Variants in DIP2C observed in about 807,000 individuals in gnomAD.
DIP2C encodes the protein DIP2 acetate--CoA ligase C (putative), also known as disco-interacting protein 2 homolog C.
A neutral mutation model predicts 192.4 loss-of-function variants in DIP2C; 33 were observed. The ratio of observed to expected loss-of-function variants is 0.17; its 90% CI spans 0.13 to 0.23. The LOEUF (loss-of-function observed/expected upper bound fraction) is 0.23. Ranked by LOEUF, DIP2C falls within the 10% of genes least tolerant of loss-of-function variation. The pLI, the probability that DIP2C is intolerant of heterozygous loss-of-function variation, is 1.00. For missense variants in DIP2C, 1,537 were observed against 2,110.1 expected, an observed-to-expected ratio of 0.73 and a Z score of 5.32; for synonymous variants, 979 against 864.1, an observed-to-expected ratio of 1.13 and a Z score of -2.33.
chr10:668,436 A>G (rs1857247167), intron 1 of DIP2C: 1 of 152,166 alleles, frequency 6.6e-6, no homozygotes, highest in South Asian at 2.1e-4. Context: ...ACAACATACA[A>G]TACATGCAAC....
chr10:477,000 G>A (rs1051213077), intron 2 of DIP2C, among the ~76,000 whole-genome samples: 3 of 105,002 alleles, frequency 2.9e-5, no homozygotes, highest in Non-Finnish European at 3.9e-5. Context: ...CCCACAGAGG[G>A]CTGGAACATT....
intron 24 of DIP2C, among the ~76,000 whole-genome samples, chr10:353,260 CATTAA>C (rs1341578343): frequency 6.6e-6 from 1 of 151,530 alleles, no homozygotes; most frequent in East Asian, 2.0e-4. Flanking sequence ...TAACGTTTCA[CATTAA>C]ATCAAACAAC....
At chr10:502,345 A>C (rs1845294803) in intron 1 of DIP2C, among the ~76,000 whole-genome samples, 1 of 152,242 alleles carries the variant, frequency 6.6e-6, no homozygotes, top group Middle Eastern at 3.2e-3. Context: ...ATGAGTGTTC[A>C]AAGGAAAATA....
chr10:631,340 G>A (rs894272840), intron 1 of DIP2C: 3 of 152,236 alleles, frequency 2.0e-5, no homozygotes, highest in African/African-American at 4.8e-5. Context: ...GGATTCTGGT[G>A]TCTCGGGTGT....
At chr10:335,145 C>T (rs1432355173) in intron 29 of DIP2C, among the ~76,000 whole-genome samples, 1 of 152,202 alleles carries the variant, frequency 6.6e-6, no homozygotes, top group African/African-American at 2.4e-5. Flanking sequence ...CCATTATACT[C>T]ATATGTCTCA....
chr10:583,304 AAG>A (rs1448955505), intron 1 of DIP2C, among the ~76,000 whole-genome samples: 15 of 152,264 alleles, frequency 9.9e-5, no homozygotes, highest in South Asian at 8.3e-4. Context: ...TCTTAGCAGA[AAG>A]AGAATTATAG....
intron 1 of DIP2C, among the ~76,000 whole-genome samples, chr10:557,190 C>T (rs1233255151): frequency 6.6e-6 from 1 of 152,224 alleles, no homozygotes; most frequent in Admixed American, 6.5e-5. Flanking sequence ...GGCAGCCCCA[C>T]AGAGGGACCG....
At chr10:571,185 G>C (rs1053231681) in intron 1 of DIP2C, among the ~76,000 whole-genome samples, 1 of 152,084 alleles carries the variant, frequency 6.6e-6, no homozygotes, top group Non-Finnish European at 1.5e-5. Context: ...CCACAAAACA[G>C]AAAGAACCCA....
chr10:579,985 C>T lies in DIP2C; in HGVS notation c.86-93455G>A, dbSNP rs1850497472. Among the ~76,000 whole-genome samples, 3 of 151,646 alleles carry T rather than the reference C, an allele frequency of 2.0e-5. No homozygotes were observed. In the South Asian group the frequency reaches 6.2e-4, roughly 31 times the overall value. Reference sequence around the variant, plus strand: ...CACAGCCATAGCCAATGTACATATACAGGTACACTATAACATGTATGTACA... The same window carrying T: ...CACAGCCATAGCCAATGTACATATATAGGTACACTATAACATGTATGTACA... On this transcript the variant is annotated intron_variant, in intron 1 of 36. Coordinates refer to ENST00000280886, the MANE Select transcript of DIP2C (RefSeq NM_014974.3).
intron 1 of DIP2C, among the ~76,000 whole-genome samples, chr10:621,728 G>A (rs999359484): frequency 2.9e-4 from 44 of 152,206 alleles, no homozygotes; most frequent in Non-Finnish European, 1.2e-4. Flanking sequence ...ACTGCACAGA[G>A]CTGTGATGAG....
chr10:297,175 C>G (rs1240523294), intron 32 of DIP2C, among the ~76,000 whole-genome samples: 2 of 151,432 alleles, frequency 1.3e-5, no homozygotes, highest in Non-Finnish European at 2.9e-5. Flanking sequence ...GCCTGGGTAA[C>G]AGAGTGAGAC....
intron 26 of DIP2C, among the ~76,000 whole-genome samples, chr10:348,021 C>T (rs1338567844): frequency 2.0e-5 from 3 of 150,690 alleles, no homozygotes; most frequent in East Asian, 2.0e-4. Context: ...ACCCCAGACG[C>T]GTCGCGCATA....
intron 1 of DIP2C, among the ~76,000 whole-genome samples, chr10:618,849 A>G (rs1433761146): frequency 6.6e-6 from 1 of 152,242 alleles, no homozygotes; most frequent in Non-Finnish European, 1.5e-5. Context: ...CACGATCGCC[A>G]GAAACACTGT....
chr10:362,618 G>A lies in DIP2C; in HGVS notation c.2666C>T (p.Pro889Leu). 1 of 1,614,152 alleles carries A rather than the reference G, an allele frequency of 6.2e-7. No individual in the cohort carries two copies. Among genetic ancestry groups the A allele is most frequent in the South Asian group, 1.1e-5 (1 of 91,084 alleles). ...LVPANTLPKT[P>L]LGGIHLSETK... The stretch of plus-strand genomic sequence containing the variant: ...TTCTGATAAATGGATCCCACCAAGC[G>A]GGGTTTTGGGGAGGGTGTTTGCTGG... Residue 889 changes from proline (P) to leucine (L), a missense_variant, in exon 22 of 37, where the codon CCG (proline) becomes CTG (leucine). Pro to Leu is a moderately conservative substitution (Grantham distance 98). Transcript: ENST00000280886.
At chr10:310,667 C>T (rs1956528924) in intron 31 of DIP2C, among the ~76,000 whole-genome samples, 1 of 152,176 alleles carries the variant, frequency 6.6e-6, no homozygotes, top group Non-Finnish European at 1.5e-5. Flanking sequence ...GAGAGCTGGG[C>T]AGGACTTTGT....
At chr10:412,817 C>T (rs1381132753) in intron 8 of DIP2C, among the ~76,000 whole-genome samples, 1 of 152,210 alleles carries the variant, frequency 6.6e-6, no homozygotes, top group African/African-American at 2.4e-5. Context: ...AAGTTAAAAA[C>T]AAAACCTGCC....
At chr10:371,636 C>G (rs1484381008) in intron 17 of DIP2C, among the ~76,000 whole-genome samples, 1 of 151,080 alleles carries the variant, frequency 6.6e-6, no homozygotes, top group Non-Finnish European at 1.5e-5. Flanking sequence ...CTGAGCAGAG[C>G]AGCACCCGAG....
At chr10:624,741 GCTGAGCCACGAGC>G (rs1422104700) in intron 1 of DIP2C, among the ~76,000 whole-genome samples, 1 of 152,234 alleles carries the variant, frequency 6.6e-6, no homozygotes, top group Non-Finnish European at 1.5e-5. Flanking sequence ...AAAGGGACCT[GCTGAGCCACGAGC>G]CAGGGACGCT....
At chr10:597,627 A>C (rs1185647398) in intron 1 of DIP2C, among the ~76,000 whole-genome samples, 3 of 152,212 alleles carry the variant, frequency 2.0e-5, no homozygotes, top group Non-Finnish European at 2.9e-5. Flanking sequence ...AGATTCCTTC[A>C]AACAGAAATG....
Sources: gnomAD v4.1 joint callset for allele counts (sites outside exome capture counted in the v4.1 genomes callset) on GRCh38, gnomAD v4.1.1 for gene constraint, MANE v1.5 for transcripts, NCBI Gene and HGNC (gene_info 2026-07-23, HGNC 2026-07-21) for gene names.